Variants in CCSER1 observed in about 807,000 individuals in gnomAD.
CCSER1 encodes serine-rich coiled-coil domain-containing protein 1.
Under a neutral mutation model 82.0 loss-of-function variants are expected in CCSER1, and 41 were observed. The ratio of observed to expected loss-of-function variants is 0.50; its 90% confidence interval spans 0.39 to 0.65. The LOEUF is 0.65. Ranked by LOEUF, CCSER1 falls within the 30% of genes least tolerant of loss-of-function variation. The probability of loss-of-function intolerance (pLI) is 0.00; values close to 1 mark genes in which losing one functional copy is unlikely to be tolerated. For missense variants in CCSER1, 1,119 were observed against 1,064.2 expected (o/e 1.05, Z -0.72); for synonymous variants, 414 against 383.9 (o/e 1.08, Z -0.92).
intron 10 of CCSER1, among the ~76,000 whole-genome samples, chr4:91,167,430 C>T (rs145073190): frequency 0.018 from 2,717 of 152,102 alleles, 44 homozygotes; most frequent in Non-Finnish European, 0.027. Flanking sequence ...GTGATCCACC[C>T]GTCTCAGCCT....
At chr4:91,338,734 A>G (rs2149284907) in intron 10 of CCSER1, among the ~76,000 whole-genome samples, 1 of 152,298 alleles carries the variant, frequency 6.6e-6, no homozygotes, top group South Asian at 2.1e-4. Context: ...TGTGGAACTC[A>G]CTTATATGGC....
intron 4 of CCSER1, among the ~76,000 whole-genome samples, chr4:90,451,713 A>C (rs1187659910): frequency 6.6e-6 from 1 of 152,078 alleles, no homozygotes; most frequent in East Asian, 1.9e-4. Context: ...TTTATGGAGT[A>C]CTCCCAGATC....
At chr4:91,073,707 T>G (rs893371390) in intron 9 of CCSER1, among the ~76,000 whole-genome samples, 1 of 152,142 alleles carries the variant, frequency 6.6e-6, no homozygotes, top group African/African-American at 2.4e-5. Context: ...GTAAGCTGTG[T>G]TCAAAGTTTT....
intron 10 of CCSER1, among the ~76,000 whole-genome samples, chr4:91,437,875 T>A (rs531841536): frequency 3.0e-4 from 45 of 152,314 alleles, no homozygotes; most frequent in Non-Finnish European, 6.0e-4. Context: ...GTCTTGCTGA[T>A]TGCTAGCACA....
At chr4:90,259,642 A>C (rs978828221) in intron 1 of CCSER1, among the ~76,000 whole-genome samples, 7 of 152,052 alleles carry the variant, frequency 4.6e-5, no homozygotes, top group Non-Finnish European at 8.8e-5. Context: ...TTCTATGCCT[A>C]TTTTGTTAAG....
At chr4:90,905,145 A>C (rs1725269281) in intron 8 of CCSER1, among the ~76,000 whole-genome samples, 1 of 152,192 alleles carries the variant, frequency 6.6e-6, no homozygotes, top group South Asian at 2.1e-4. Flanking sequence ...TTTCCTCTAG[A>C]CAATTGCATT....
chr4:91,139,588 A>G (rs1467502788), intron 10 of CCSER1, among the ~76,000 whole-genome samples: 2 of 152,178 alleles, frequency 1.3e-5, no homozygotes, highest in Non-Finnish European at 2.9e-5. Flanking sequence ...GCAGGAATAG[A>G]GTGTTGGAGT....
At chr4:91,148,851 A>C (rs1337575820) in intron 10 of CCSER1, among the ~76,000 whole-genome samples, 1 of 152,178 alleles carries the variant, frequency 6.6e-6, no homozygotes, top group East Asian at 1.9e-4. Context: ...TCCATGGTGC[A>C]TATGTGCCAC....
chr4:90,692,033 G>GTGTATA (rs1174977397), intron 6 of CCSER1, among the ~76,000 whole-genome samples: 1 of 112,280 alleles, frequency 8.9e-6, no homozygotes, highest in Non-Finnish European at 1.9e-5. Flanking sequence ...AATTCAATGT[G>GTGTATA]TGTATATATA....
intron 5 of CCSER1, among the ~76,000 whole-genome samples, chr4:90,593,076 TA>T (rs1452242868): frequency 1.3e-5 from 2 of 152,098 alleles, no homozygotes; most frequent in African/African-American, 2.4e-5. Flanking sequence ...TATAATAACT[TA>T]AAAAATATAG....
At chr4:91,136,900 A>G (rs906509157) in intron 10 of CCSER1, among the ~76,000 whole-genome samples, 1 of 152,116 alleles carries the variant, frequency 6.6e-6, no homozygotes, top group African/African-American at 2.4e-5. Context: ...AAATAATTTG[A>G]TTTTATAATA....
At chr4:90,458,258 C>T (rs114796575) in intron 4 of CCSER1, among the ~76,000 whole-genome samples, 22 of 152,116 alleles carry the variant, frequency 1.4e-4, no homozygotes, top group African/African-American at 4.6e-4. Context: ...TGGAGTGCAC[C>T]GCCCCAGCTA....
intron 10 of CCSER1, among the ~76,000 whole-genome samples, chr4:91,438,149 C>T (rs557954932): frequency 5.9e-5 from 9 of 152,244 alleles, no homozygotes; most frequent in South Asian, 2.1e-4. Flanking sequence ...AGCACACAGC[C>T]GGAGATCTGA....
chr4:90,771,587 A>G (rs77918553), intron 7 of CCSER1, among the ~76,000 whole-genome samples: 6,941 of 150,306 alleles, frequency 0.046, 194 homozygotes, highest in East Asian at 0.15. Context: ...AAAAAAGAAA[A>G]GAAAAAAATG....
chr4:91,458,866 A>T (rs2149428408), intron 10 of CCSER1, among the ~76,000 whole-genome samples: 1 of 152,200 alleles, frequency 6.6e-6, no homozygotes, highest in South Asian at 2.1e-4. Context: ...ACTTAACTGA[A>T]TTTGTTTTGA....
intron 10 of CCSER1, among the ~76,000 whole-genome samples, chr4:91,116,254 C>T (rs562144298): frequency 2.6e-5 from 4 of 152,200 alleles, no homozygotes; most frequent in South Asian, 4.2e-4. Flanking sequence ...TAAAAAATGA[C>T]GAGTTCATGT....
intron 10 of CCSER1, among the ~76,000 whole-genome samples, chr4:91,438,297 T>C (rs930214739): frequency 1.6e-4 from 24 of 152,258 alleles, no homozygotes; most frequent in Non-Finnish European, 2.8e-4. Context: ...TCTAGAGGAA[T>C]GATCAGACAG....
chr4:91,110,851 T>A (rs1581576269), intron 10 of CCSER1, among the ~76,000 whole-genome samples: 1 of 150,950 alleles, frequency 6.6e-6, no homozygotes, highest in Middle Eastern at 3.4e-3. Flanking sequence ...TCTTCTTTTT[T>A]TTCCTTTTGC....
At chr4:90,374,658 T>TA (rs1182402224) in intron 3 of CCSER1, among the ~76,000 whole-genome samples, 2 of 152,180 alleles carry the variant, frequency 1.3e-5, no homozygotes, top group Non-Finnish European at 1.5e-5. Context: ...CACCCACTCA[T>TA]GGTACATTGA....
Sources: gnomAD v4.1 joint callset for allele counts (sites outside exome capture counted in the v4.1 genomes callset) on GRCh38, gnomAD v4.1.1 for gene constraint, MANE v1.5 for transcripts, NCBI Gene and HGNC (gene_info 2026-07-23, HGNC 2026-07-21) for gene names.